Variants in LMBRD1 observed in about 807,000 individuals in gnomAD.
LMBRD1 encodes LMBR1 domain containing 1.
Under a neutral mutation model 74.8 loss-of-function variants are expected in LMBRD1, and 64 were observed. The observed-to-expected ratio is 0.86, with a 90% CI of 0.70 to 1.05. LMBRD1 has a LOEUF of 1.05. LMBRD1 is among the 50% of genes least tolerant of loss of function. LMBRD1 has a pLI of 0.00. For synonymous variants in LMBRD1, 204 were observed against 216.3 expected, an observed-to-expected ratio of 0.94 and a Z score of 0.50; for missense variants, 652 against 645.9, an observed-to-expected ratio of 1.01 and a Z score of -0.10.
At chr6:69,786,518 C>A in intron 2 of LMBRD1, among the ~76,000 whole-genome samples, 1 of 147,970 alleles carries the variant, frequency 6.8e-6, no homozygotes, top group South Asian at 2.2e-4. Flanking sequence ...CAGTATATTT[C>A]ATGTATATCC....
chr6:69,752,325 G>A lies in LMBRD1; in HGVS notation c.339C>T (p.Phe113=). ...TLYSVILFCV[F]FWIPFVYFYY... is the part of the protein sequence containing the mutation. ...AGAAGTAGACAAAAGGGATCCAGAAGAACACACAGAACAATATAACAGAAT... is the reference window on the plus strand; with the variant it reads ...AGAAGTAGACAAAAGGGATCCAGAAAAACACACAGAACAATATAACAGAAT... The change falls in exon 4 of 16, where the codon TTC becomes TTT. Residue 113 remains phenylalanine (F), a synonymous_variant. Coordinates refer to ENST00000649934, the MANE Select transcript of LMBRD1 (RefSeq NM_018368.4). 1.2e-6 allele frequency: 2 copies of A among 1,609,818 alleles called. No homozygotes were observed. The highest frequency in any genetic ancestry group is 8.5e-7 in the Non-Finnish European group (1 of 1,176,772).
At chr6:69,677,730 T>G (rs931161915) in intron 14 of LMBRD1, among the ~76,000 whole-genome samples, 2 of 152,110 alleles carry the variant, frequency 1.3e-5, no homozygotes, top group African/African-American at 4.8e-5. Context: ...AATGGATGAC[T>G]ACTACTTCTA....
At chr6:69,738,530 T>A (rs1335624482) in intron 6 of LMBRD1, among the ~76,000 whole-genome samples, 1 of 151,878 alleles carries the variant, frequency 6.6e-6, no homozygotes, top group Non-Finnish European at 1.5e-5. Flanking sequence ...ACTTTTTAAC[T>A]TGAAAGGACA....
chr6:69,785,811 G>A (rs1016266906), intron 2 of LMBRD1, among the ~76,000 whole-genome samples: 1 of 152,052 alleles, frequency 6.6e-6, no homozygotes, highest in Non-Finnish European at 1.5e-5. Flanking sequence ...GCCTTATTCT[G>A]GATCTCAGCT....
chr6:69,691,804 A>C (rs1005590948), intron 14 of LMBRD1, among the ~76,000 whole-genome samples: 3 of 142,418 alleles, frequency 2.1e-5, no homozygotes, highest in Non-Finnish European at 4.5e-5. Context: ...TGAACCCGGG[A>C]GGCGAAGGTT....
At chr6:69,719,514 C>G (rs560341646) in intron 7 of LMBRD1, among the ~76,000 whole-genome samples, 1 of 152,036 alleles carries the variant, frequency 6.6e-6, no homozygotes, top group East Asian at 1.9e-4. Context: ...ATTAGCATAT[C>G]AATTATCTAC....
chr6:69,766,865 G>C (rs1312689174), intron 3 of LMBRD1, among the ~76,000 whole-genome samples: 1 of 151,456 alleles, frequency 6.6e-6, no homozygotes, highest in South Asian at 2.1e-4. Flanking sequence ...TTCTCTTTGT[G>C]GGAATATTTT....
At chr6:69,767,900 A>G (rs554760552) in intron 3 of LMBRD1, among the ~76,000 whole-genome samples, 3 of 152,102 alleles carry the variant, frequency 2.0e-5, no homozygotes, top group South Asian at 4.1e-4. Flanking sequence ...AGGTGCATAC[A>G]GAATTATAAT....
intron 9 of LMBRD1, among the ~76,000 whole-genome samples, chr6:69,707,303 G>C (rs1236277544): frequency 6.6e-6 from 1 of 152,060 alleles, no homozygotes; most frequent in African/African-American, 2.4e-5. Flanking sequence ...ATTAGACTGA[G>C]CCCACCTGAA....
At chr6:69,694,944 A>T (rs912062470) in intron 14 of LMBRD1, among the ~76,000 whole-genome samples, 4 of 152,138 alleles carry the variant, frequency 2.6e-5, no homozygotes, top group African/African-American at 9.7e-5. Context: ...AGCCCGCTTA[A>T]TTCTCAGTAT....
At chr6:69,790,644 GC>G in intron 1 of LMBRD1, 172 bp from the exon 2 acceptor site, 1 of 651,046 alleles carries the variant, frequency 1.5e-6, no homozygotes, top group Non-Finnish European at 2.7e-6. Flanking sequence ...AATTTTCAAA[GC>G]CTACTTCATG....
At chr6:69,685,140 ATG>A (rs761383325) in intron 14 of LMBRD1, among the ~76,000 whole-genome samples, 2 of 68,972 alleles carry the variant, frequency 2.9e-5, no homozygotes, top group Non-Finnish European at 8.4e-5. Flanking sequence ...GAGCACACAC[ATG>A]TTTGGAGATT....
chr6:69,721,974 C>T (rs1294466788), intron 7 of LMBRD1, among the ~76,000 whole-genome samples: 1 of 152,086 alleles, frequency 6.6e-6, no homozygotes, highest in African/African-American at 2.4e-5. Context: ...ACTCCTCTGC[C>T]TGTGGAAAGG....
intron 3 of LMBRD1, among the ~76,000 whole-genome samples, chr6:69,761,969 C>T (rs1383406888): frequency 6.6e-6 from 1 of 152,164 alleles, no homozygotes; most frequent in Non-Finnish European, 1.5e-5. Flanking sequence ...AATATTTTCA[C>T]GTTTGCAGTT....
At chr6:69,727,131 C>T (rs1766754114) in intron 7 of LMBRD1, among the ~76,000 whole-genome samples, 1 of 151,986 alleles carries the variant, frequency 6.6e-6, no homozygotes, top group African/African-American at 2.4e-5. Context: ...TGCACTCCAG[C>T]CTGGTAACAG....
At chr6:69,690,700 A>C (rs1765858188) in intron 14 of LMBRD1, among the ~76,000 whole-genome samples, 2 of 152,164 alleles carry the variant, frequency 1.3e-5, no homozygotes, top group Non-Finnish European at 2.9e-5. Context: ...TGATGTGATT[A>C]TTTATTGCAT....
At chr6:69,677,734 A>T (rs9294848) in intron 14 of LMBRD1, among the ~76,000 whole-genome samples, 72,632 of 151,828 alleles carry the variant, frequency 0.48, 17,981 homozygotes, top group African/African-American at 0.6. Context: ...GATGACTACT[A>T]CTTCTAAAGA....
At chr6:69,689,342 TA>T (rs963485376) in intron 14 of LMBRD1, among the ~76,000 whole-genome samples, 5 of 152,050 alleles carry the variant, frequency 3.3e-5, no homozygotes, top group African/African-American at 9.7e-5. Flanking sequence ...CAAACAACAT[TA>T]AAAAACCTCA....
intron 4 of LMBRD1, among the ~76,000 whole-genome samples, chr6:69,749,624 T>C (rs959246357): frequency 4.0e-5 from 6 of 151,848 alleles, no homozygotes; most frequent in Admixed American, 1.3e-4. Context: ...TTTCAATAGT[T>C]AGGCCCTTGT....
Sources: gnomAD v4.1 joint callset for allele counts (sites outside exome capture counted in the v4.1 genomes callset) on GRCh38, gnomAD v4.1.1 for gene constraint, MANE v1.5 for transcripts, NCBI Gene and HGNC (gene_info 2026-07-23, HGNC 2026-07-21) for gene names.